Variants in TGM6 observed in about 807,000 individuals in gnomAD.
TGM6 encodes protein-glutamine gamma-glutamyltransferase 6.
Under a neutral mutation model 77.5 loss-of-function variants are expected in TGM6, and 74 were observed. The ratio of observed to expected loss-of-function variants is 0.96; its 90% CI spans 0.79 to 1.16. TGM6 has a LOEUF of 1.16. Ranked by LOEUF, TGM6 falls within the 50% of genes most tolerant of loss-of-function variation. The probability of loss-of-function intolerance (pLI) is 0.00; values close to 1 mark genes in which losing one functional copy is unlikely to be tolerated. For synonymous variants in TGM6, 383 were observed against 378.9 expected (o/e 1.01, Z -0.12); for missense variants, 968 against 940.2 (o/e 1.03, Z -0.39).
Position 2,397,771 on chromosome 20 carries a change from G to C in TGM6, c.544-147G>C, listed in dbSNP as rs933210938. 4.7e-6 allele frequency: 6 copies of C among 1,264,610 alleles called. No individual in the cohort carries two copies. In the African/African-American group the frequency reaches 8.8e-5, roughly 19 times the overall value. The allele number at this position is 1,264,610 out of a possible 1,614,324, so 78.3% of individuals were successfully genotyped here. ...CTTTGAGGAAGGGTTTCCAAGACTA[G>C]GGGGTGCTCTGTGATGCCCCTGGTG... On this transcript the variant is annotated intron_variant, in intron 4 of 12. Transcript: ENST00000202625.
Position 2,380,966 on chromosome 20 carries a change from C to G in TGM6, c.-3C>G, listed in dbSNP as rs1226192475. On this transcript the variant is annotated 5_prime_UTR_variant, in exon 1 of 13. Transcript: ENST00000202625. ...GGAACAGAGGAGTCCAGCTGGCCTT[C>G]ACATGGCAGGTAAGTGGGCAGAGCC... is the stretch of plus-strand genomic sequence containing the variant. 6.2e-7 allele frequency: 1 copy of G among 1,608,342 alleles called. No individual in the cohort carries two copies. The highest frequency in any genetic ancestry group is 8.5e-7 in the Non-Finnish European group (1 of 1,178,540).
At chr20:2,404,437 C>G (rs1247675288) in intron 9 of TGM6, among the ~76,000 whole-genome samples, 1 of 152,122 alleles carries the variant, frequency 6.6e-6, no homozygotes, top group East Asian at 1.9e-4. Flanking sequence ...TATTTTCAAC[C>G]ATTTCTGCTT....
intron 1 of TGM6, among the ~76,000 whole-genome samples, chr20:2,387,737 C>G (rs2084605427): frequency 6.6e-6 from 1 of 152,194 alleles, no homozygotes; most frequent in Non-Finnish European, 1.5e-5. Context: ...CACTTAGGGG[C>G]TTCAGACAAC....
chr20:2,397,256 G>A (rs558805881), intron 4 of TGM6, among the ~76,000 whole-genome samples: 4 of 152,338 alleles, frequency 2.6e-5, no homozygotes, highest in Admixed American at 1.3e-4. Flanking sequence ...AGGCAGAGCC[G>A]CACGGACGTG....
rs2084649830 is a variant in TGM6 at position 2,394,575 on chromosome 20, T to C, written c.131T>C (p.Leu44Pro). 6.2e-7 allele frequency: 1 copy of C among 1,612,236 alleles called. No homozygotes were observed. Among genetic ancestry groups the C allele is most frequent in the South Asian group, 1.1e-5 (1 of 90,942 alleles). Residue 44 changes from leucine (L) to proline (P), a missense_variant, in exon 2 of 13, where the codon CTG becomes CCG. By Grantham distance (98) the Leu-to-Pro change is moderately conservative. Transcript: ENST00000202625. The stretch of plus-strand genomic sequence containing the variant: ...CAGTCGTTCAGCCTCACGCTGGAGC[T>C]GAGCAGAGCCCTGGACTGTGAGGAG... Reference protein sequence around the residue: ...RGQSFSLTLELSRALDCEEIL... With the variant: ...RGQSFSLTLEPSRALDCEEIL...
At chr20:2,431,264 CTTTCA>C (rs1242925594) in intron 12 of TGM6, among the ~76,000 whole-genome samples, 2 of 152,194 alleles carry the variant, frequency 1.3e-5, no homozygotes, top group African/African-American at 2.4e-5. Context: ...TTCATTCATA[CTTTCA>C]TTTATTTATC....
chr20:2,415,812 A>T (rs760807685), intron 9 of TGM6, among the ~76,000 whole-genome samples: 3 of 152,084 alleles, frequency 2.0e-5, no homozygotes, highest in Non-Finnish European at 4.4e-5. Flanking sequence ...CCTGTGAGAC[A>T]CCTGGGGGGC....
At chr20:2,391,459 A>T (rs1306254695) in intron 1 of TGM6, among the ~76,000 whole-genome samples, 1 of 151,034 alleles carries the variant, frequency 6.6e-6, no homozygotes, top group African/African-American at 2.4e-5. Flanking sequence ...TTGTGGAGGT[A>T]GAGTCTGATG....
rs202184911 is a variant in TGM6, at chr20:2,400,395, G to A, written c.940G>A (p.Val314Met). The A allele has an allele frequency of 1.6e-4, 253 of 1,614,162 alleles. 2 individuals are homozygous for A. The East Asian group carries it at 3.6e-3, about 23-fold the overall frequency. ...TDQNLSVDKY[V>M]DSFGRTLEDL... ...CCAGAACCTGAGTGTGGACAAATAC[G>A]TGGACTCCTTCGGGCGGACCCTGGA... The change falls in exon 7 of 13, where the codon GTG becomes ATG. Residue 314 changes from valine (V) to methionine (M), a missense_variant. Physicochemically the swap from Val to Met is conservative, Grantham distance 21. Transcript: ENST00000202625.
In TGM6 at chr20:2,381,234, C is replaced by T. The variant is rs367946322; in HGVS notation, c.7+259C>T. 1.5e-4 allele frequency among the ~76,000 whole-genome samples: 23 copies of T among 152,280 alleles called. No homozygotes were observed. In the South Asian group the frequency reaches 3.7e-3, roughly 25 times the overall value. On this transcript the variant is annotated intron_variant, in intron 1 of 12. Coordinates refer to ENST00000202625, the MANE Select transcript of TGM6 (RefSeq NM_198994.3). Reference sequence around the variant, plus strand: ...CTGGGGCCAGGTCTCACCCCTGTGCCTCGGAGGACTGAAGGAGGCAGGCAC... The same window carrying T: ...CTGGGGCCAGGTCTCACCCCTGTGCTTCGGAGGACTGAAGGAGGCAGGCAC...
Position 2,397,443 on chromosome 20 carries a change from T to A in TGM6, c.544-475T>A, listed in dbSNP as rs547081705. The stretch of plus-strand genomic sequence containing the variant: ...GGCAGGGAAGTTATAGTGAAGAGTT[T>A]AGGGTCCACCTAAGGGGTAGCCACT... On this transcript the variant is annotated intron_variant, in intron 4 of 12. Transcript: ENST00000202625. 4.6e-5 allele frequency among the ~76,000 whole-genome samples: 7 copies of A among 152,306 alleles called. No individual in the cohort carries two copies. The South Asian group carries it at 1.5e-3, about 32-fold the overall frequency.
chr20:2,396,566 G>T lies in TGM6; in HGVS notation c.485G>T (p.Gly162Val), dbSNP rs1351094172. The T allele has an allele frequency of 3.1e-6, 5 of 1,614,132 alleles. No homozygotes were observed. The highest frequency in any genetic ancestry group is 2.2e-5 in the East Asian group (1 of 44,896). The change falls in exon 4 of 13, where the codon GGC becomes GTC. Residue 162 changes from glycine (G) to valine (V), a missense_variant. By Grantham distance (109) the Gly-to-Val change is moderately radical. Coordinates refer to ENST00000202625, the MANE Select transcript of TGM6 (RefSeq NM_198994.3). ...CAGGAGTACGTGCTCAGCGACAGCG[G>T]CATCATCTTCCGAGGCGTGGAGAAG... is the stretch of plus-strand genomic sequence containing the variant. The part of the protein sequence containing the change: ...ERQEYVLSDS[G>V]IIFRGVEKHI...
At chr20:2,414,088 T>G (rs867771285) in intron 9 of TGM6, among the ~76,000 whole-genome samples, 1 of 152,010 alleles carries the variant, frequency 6.6e-6, no homozygotes, top group Admixed American at 6.6e-5. Flanking sequence ...CACCTGAAAG[T>G]CCAAGGCATG....
At chr20:2,394,294 AAAACAAAC>A (rs570317209) in intron 1 of TGM6, among the ~76,000 whole-genome samples, 150 bp from the exon 2 acceptor site, 6 of 152,100 alleles carry the variant, frequency 3.9e-5, no homozygotes, top group Non-Finnish European at 7.4e-5. Context: ...ACCCTGTCTC[AAAACAAAC>A]AAACAAACAA....
In TGM6 at chr20:2,406,297, C is replaced by A. The variant is rs2084749971; in HGVS notation, c.1336+2474C>A. 3.3e-5 allele frequency among the ~76,000 whole-genome samples: 5 copies of A among 152,016 alleles called. No homozygotes were observed. The South Asian group carries it at 1.0e-3, about 32-fold the overall frequency. ...CTGGAACTTAGAACGTGGGGTCTAG[C>A]CTGGGCAACATGGCAAAACCCCATC... On this transcript the variant is annotated intron_variant, in intron 9 of 12. Coordinates refer to ENST00000202625, the MANE Select transcript of TGM6 (RefSeq NM_198994.3).
rs1258268366 is a variant in TGM6, at chr20:2,400,449, G to A, written c.989+5G>A. 1.2e-6 allele frequency: 2 copies of A among 1,614,096 alleles called. No homozygotes were observed. The highest frequency in any genetic ancestry group is 2.2e-5 in the East Asian group (1 of 44,866). ...CCTGACAGAAGACAGCATGTGGTGGGTCCTGCCCCCAGCCTAGGCCCGAGG... is the reference window on the plus strand; with the variant it reads ...CCTGACAGAAGACAGCATGTGGTGGATCCTGCCCCCAGCCTAGGCCCGAGG... On this transcript the variant is annotated splice_donor_5th_base_variant and intron_variant, in intron 7 of 12. Transcript: ENST00000202625.
intron 9 of TGM6, among the ~76,000 whole-genome samples, chr20:2,410,355 G>A (rs2068592754): frequency 6.6e-6 from 1 of 152,162 alleles, no homozygotes; most frequent in Non-Finnish European, 1.5e-5. Flanking sequence ...CATGCTTAGA[G>A]AGGAGATGGA....
At chr20:2,381,118 GT>G (rs2084551729) in intron 1 of TGM6, 143 bp downstream of exon 1, 1 of 1,287,204 alleles carries the variant, frequency 7.8e-7, no homozygotes, top group Non-Finnish European at 1.1e-6. Flanking sequence ...TGAACTCTTC[GT>G]GTGGATTCAT....
intron 7 of TGM6, among the ~76,000 whole-genome samples, 181 bp downstream of exon 7, chr20:2,400,625 A>AG (rs925192359): frequency 6.6e-6 from 1 of 151,080 alleles, no homozygotes; most frequent in African/African-American, 2.4e-5. Context: ...CCAAGATGTA[A>AG]GGTCTGAGGT....
Sources: gnomAD v4.1 joint callset for allele counts (sites outside exome capture counted in the v4.1 genomes callset) on GRCh38, gnomAD v4.1.1 for gene constraint, MANE v1.5 for transcripts, NCBI Gene and HGNC (gene_info 2026-07-23, HGNC 2026-07-21) for gene names.